B4GALT6: variants seen among roughly 807,000 people sequenced by gnomAD.
B4GALT6 encodes the protein beta-1,4-galactosyltransferase 6, also known as UDP-Gal:beta-GlcNAc beta-1,4-galactosyltransferase 6.
In B4GALT6, 14 loss-of-function variants were observed where a neutral mutation model predicts 46.3. That is an observed-to-expected ratio of 0.30 (90% CI 0.20 to 0.47). The LOEUF (loss-of-function observed/expected upper bound fraction) is 0.47. Among genes scored for constraint, B4GALT6 ranks in the 20% least tolerant of loss-of-function variants. B4GALT6 has a pLI of 0.99. For synonymous variants in B4GALT6, 168 were observed against 162.0 expected (o/e 1.04, Z -0.28); for missense variants, 386 against 480.1 (o/e 0.80, Z 1.83).
At chr18:31,688,721 GTAT>G (rs536981858), upstream of B4GALT6, among the ~76,000 whole-genome samples, 1 of 152,250 alleles carries the variant, frequency 6.6e-6, no homozygotes, top group South Asian at 2.1e-4. Flanking sequence ...GGTATGGCAA[GTAT>G]TATTATGTCC....
chr18:31,715,537 CTTTTTTTTTTTTTTT>C, the B4GALT6 span, among the ~76,000 whole-genome samples: 1 of 49,610 alleles, frequency 2.0e-5, no homozygotes, highest in Admixed American at 3.8e-4. Context: ...CTGGAACTGT[CTTTTTTTTTTTTTTT>C]TTTTTTTTTT....
intron 3 of B4GALT6, among the ~76,000 whole-genome samples, chr18:31,647,394 T>C (rs2074003672): frequency 6.6e-6 from 1 of 152,146 alleles, no homozygotes; most frequent in African/African-American, 2.4e-5. Flanking sequence ...TTTCCCTCAA[T>C]AGAGAGGGCT....
chr18:31,686,481 A>G (rs936715013), upstream of B4GALT6: 1 of 152,218 alleles, frequency 6.6e-6, no homozygotes, highest in Non-Finnish European at 1.5e-5. Flanking sequence ...GCATAATGCT[A>G]AGCATGGTGT....
At chr18:31,649,904 T>G (rs557898579) in intron 3 of B4GALT6, among the ~76,000 whole-genome samples, 1 of 152,348 alleles carries the variant, frequency 6.6e-6, no homozygotes, top group East Asian at 1.9e-4. Context: ...ATCCTATTAC[T>G]GTGTAAATAT....
chr18:31,698,895 A>C, the B4GALT6 span, among the ~76,000 whole-genome samples: 1 of 152,214 alleles, frequency 6.6e-6, no homozygotes, highest in African/African-American at 2.4e-5. Flanking sequence ...ACATGGCGAA[A>C]CCCTGTCTCT....
At chr18:31,684,233 TCC>T in intron 1 of B4GALT6, 77 bp downstream of exon 1, 1 of 1,593,814 alleles carries the variant, frequency 6.3e-7, no homozygotes, top group Non-Finnish European at 8.6e-7. Flanking sequence ...AGCTTCCAAA[TCC>T]CAGAAGTAAC....
intron 3 of B4GALT6, among the ~76,000 whole-genome samples, chr18:31,656,077 G>A (rs980854452): frequency 2.0e-5 from 3 of 152,134 alleles, no homozygotes; most frequent in African/African-American, 7.2e-5. Context: ...GACCAGCAAT[G>A]GGGCTTGACA....
Position 31,622,968 on chromosome 18 carries a change from T to C in B4GALT6, c.*2646A>G, listed in dbSNP as rs1400263179. 1 of 151,970 alleles carries C rather than the reference T, an allele frequency of 6.6e-6. No individual in the cohort carries two copies. The highest frequency in any genetic ancestry group is 2.4e-5 in the African/African-American group (1 of 41,408). 9.4% of individuals were successfully genotyped at this position (151,970 alleles called of 1,614,324 possible). ...TTAGCCCTAGGTCCACATATACGGG[T>C]TTCTTGACTTTGAGACTAGGAAATA... On this transcript the variant is annotated 3_prime_UTR_variant, in exon 9 of 9. Coordinates refer to ENST00000306851, the MANE Select transcript of B4GALT6 (RefSeq NM_004775.5).
chr18:31,721,525 G>A, the B4GALT6 span, among the ~76,000 whole-genome samples: 1 of 152,232 alleles, frequency 6.6e-6, no homozygotes, highest in Non-Finnish European at 1.5e-5. Context: ...TTAAACACTA[G>A]TCTAGGCATT....
At chr18:31,699,636 GAAAA>G in the B4GALT6 span, among the ~76,000 whole-genome samples, 1 of 104,144 alleles carries the variant, frequency 9.6e-6, no homozygotes, top group Non-Finnish European at 1.9e-5. Context: ...TCTCTTCCTG[GAAAA>G]AAAAAAAAAA....
At chr18:31,718,234 T>A in the B4GALT6 span, among the ~76,000 whole-genome samples, 1 of 152,200 alleles carries the variant, frequency 6.6e-6, no homozygotes, top group Admixed American at 6.5e-5. Context: ...GGAGATATTT[T>A]TGGTTGTCTC....
At chr18:31,693,417 A>G in the B4GALT6 span, among the ~76,000 whole-genome samples, 1 of 152,348 alleles carries the variant, frequency 6.6e-6, no homozygotes, top group Middle Eastern at 3.4e-3. Flanking sequence ...CATATGGCAT[A>G]TTCTACTTTT....
At position 31,646,937 on chromosome 18, in the gene B4GALT6, C is replaced by A. The variant is rs116587544; in HGVS notation, c.347-1458G>T. ...AGTCTTTTATAACCAAACACTCAGC[C>A]TTCAGCGTGACAAGATACACAAACT... On this transcript the variant is annotated intron_variant, in intron 3 of 8. Coordinates refer to ENST00000306851, the MANE Select transcript of B4GALT6 (RefSeq NM_004775.5). Among the ~76,000 whole-genome samples, 559 of 152,312 alleles carry A rather than the reference C, an allele frequency of 3.7e-3. 5 individuals are homozygous for A. Among genetic ancestry groups the A allele is most frequent in the African/African-American group, 0.013 (531 of 41,562 alleles).
intron 3 of B4GALT6, among the ~76,000 whole-genome samples, chr18:31,651,764 CTT>C (rs1472173232): frequency 6.6e-6 from 1 of 151,918 alleles, no homozygotes; most frequent in Non-Finnish European, 1.5e-5. Context: ...TCCCAGTTCT[CTT>C]CTCTTCATCT....
chr18:31,635,480 T>C (rs1357944101), intron 5 of B4GALT6, among the ~76,000 whole-genome samples: 1 of 152,078 alleles, frequency 6.6e-6, no homozygotes, highest in East Asian at 1.9e-4. Context: ...TAAAGAATGA[T>C]TTATACACAC....
At chr18:31,662,192 A>T (rs1443098107) in intron 2 of B4GALT6, among the ~76,000 whole-genome samples, 2 of 152,232 alleles carry the variant, frequency 1.3e-5, no homozygotes, top group East Asian at 3.8e-4. Flanking sequence ...CCTTCAAGTT[A>T]CGCAATATCA....
chr18:31,665,738 T>C (rs1261310096), intron 2 of B4GALT6, among the ~76,000 whole-genome samples: 3 of 152,086 alleles, frequency 2.0e-5, no homozygotes, highest in Non-Finnish European at 4.4e-5. Flanking sequence ...CGAGACTCTG[T>C]CTAAAAAAAT....
chr18:31,625,334 G>A lies in B4GALT6; in HGVS notation c.*280C>T. 1 of 332,500 alleles carries A rather than the reference G, an allele frequency of 3.0e-6. No homozygotes were observed. The highest frequency in any genetic ancestry group is 5.4e-6 in the Non-Finnish European group (1 of 186,540). The allele number at this position is 332,500 out of a possible 1,614,324, so 20.6% of individuals were successfully genotyped here. A position where few individuals can be genotyped will look rare whatever the true frequency, so the allele number is the denominator to read the frequency against. On this transcript the variant is annotated 3_prime_UTR_variant, in exon 9 of 9. Coordinates refer to ENST00000306851, the MANE Select transcript of B4GALT6 (RefSeq NM_004775.5). The stretch of plus-strand genomic sequence containing the variant: ...CTCTTGAATTAAATTATAGATTTTA[G>A]TATAAAAATTTTCTCTTCGGAGGGA...
chr18:31,721,171 C>T, the B4GALT6 span, among the ~76,000 whole-genome samples: 10 of 148,790 alleles, frequency 6.7e-5, no homozygotes, highest in Non-Finnish European at 1.2e-4. Flanking sequence ...AGCGTATGTC[C>T]ACCGGGGCCT....
Sources: gnomAD v4.1 joint callset for allele counts (sites outside exome capture counted in the v4.1 genomes callset) on GRCh38, gnomAD v4.1.1 for gene constraint, MANE v1.5 for transcripts, NCBI Gene and HGNC (gene_info 2026-07-23, HGNC 2026-07-21) for gene names.